Variants in CDK12 observed in about 807,000 individuals in gnomAD.
The protein encoded by CDK12 is cyclin dependent kinase 12.
CDK12 carries 17 observed loss-of-function variants against 133.8 expected under a neutral mutation model. The observed-to-expected ratio is 0.13, with a 90% CI of 0.09 to 0.19. CDK12 has a LOEUF of 0.19. Ranked by LOEUF, CDK12 falls within the 10% of genes least tolerant of loss-of-function variation. CDK12 has a pLI of 1.00. For synonymous variants in CDK12, 694 were observed against 683.6 expected (o/e 1.02, Z -0.24); for missense variants, 1,508 against 1,818.7 (o/e 0.83, Z 3.11).
Position 39,489,307 on chromosome 17 carries a change from C to T in CDK12, c.1932-1250C>T, listed in dbSNP as rs146333054. Among the ~76,000 whole-genome samples the T allele has an allele frequency of 6.2e-3, 938 of 151,670 alleles. 11 individuals are homozygous for T. Among genetic ancestry groups the T allele is most frequent in the African/African-American group, 0.022 (911 of 41,360 alleles). On this transcript the variant is annotated intron_variant, in intron 2 of 13. Coordinates refer to ENST00000447079, the MANE Select transcript of CDK12 (RefSeq NM_016507.4). ...CTGGTCTCGAACTCCTGAGTTCAGG[C>T]AGTCTGCCCACCTTGGCCTCCCAAA...
rs972931803 is a variant in CDK12, at chr17:39,531,953, C to G, written c.*637C>G. The G allele has an allele frequency of 4.3e-6, 1 of 233,820 alleles. No individual in the cohort carries two copies. Among genetic ancestry groups the G allele is most frequent in the Non-Finnish European group, 8.5e-6 (1 of 118,064 alleles). The allele number at this position is 233,820 out of a possible 1,614,324, so 14.5% of individuals were successfully genotyped here. On this transcript the variant is annotated 3_prime_UTR_variant, in exon 14 of 14. Transcript: ENST00000447079. ...ACATACTTTTTTTCCAAATAAATTA[C>G]TCATCCTTAAAGTTTACTCCACTTT...
Position 39,526,274 on chromosome 17 carries a change from G to A in CDK12, c.3718G>A (p.Gly1240Arg), listed in dbSNP as rs1320192114. 1.2e-6 allele frequency: 2 copies of A among 1,604,020 alleles called. No individual in the cohort carries two copies. The highest frequency in any genetic ancestry group is 2.2e-5 in the South Asian group (2 of 89,566). The change falls in exon 13 of 14, where the codon GGG (glycine) becomes AGG (arginine). Residue 1240 changes from glycine to arginine, a missense_variant. By Grantham distance (125) the Gly-to-Arg change is moderately radical (BLOSUM62 -2). This residue lies in a region of CDK12 where 399 missense variants were observed against 469.6 expected (regional missense o/e 0.85). Coordinates refer to ENST00000447079, the MANE Select transcript of CDK12 (RefSeq NM_016507.4). Reference protein sequence around the residue: ...NNSDKNSGPQGPRRTPTMPQE... With the variant: ...NNSDKNSGPQRPRRTPTMPQE... The stretch of plus-strand genomic sequence containing the variant: ...CAGTGACAAGAACAGTGGGCCACAG[G>A]GGCCCCGAAGAACTCCCACAATGCC...
At position 39,490,612 on chromosome 17, in the gene CDK12, C is replaced by T. The variant is rs749022057; in HGVS notation, c.1987C>T (p.Arg663Cys). 1.2e-5 allele frequency: 19 copies of T among 1,613,316 alleles called. No individual in the cohort carries two copies. The highest frequency in any genetic ancestry group is 2.2e-5 in the East Asian group (1 of 44,884). The change falls in exon 3 of 14, where the codon CGT becomes TGT. Residue 663 changes from arginine (R) to cysteine (C), a missense_variant. Arg to Cys is a radical substitution (Grantham distance 180). Around this residue, in one of 9 missense-constraint regions of CDK12, gnomAD observed 347 missense variants for 330.8 expected, o/e 1.05. Coordinates refer to ENST00000447079, the MANE Select transcript of CDK12 (RefSeq NM_016507.4). The stretch of plus-strand genomic sequence containing the variant: ...GAAGAAAGAGAAGGAACAGAGGACA[C>T]GTCACTTACTCACAGACCTTCCTCT... Reference protein sequence around the residue: ...PVKKEKEQRTRHLLTDLPLPP... With the variant: ...PVKKEKEQRTCHLLTDLPLPP...
chr17:39,464,759 G>A (rs903671259), intron 1 of CDK12, among the ~76,000 whole-genome samples: 5 of 149,384 alleles, frequency 3.3e-5, no homozygotes, highest in Admixed American at 6.9e-5. Context: ...ATCCAGGCTG[G>A]GCAACATAGT....
chr17:39,519,102 C>CTA (rs2053999904), intron 10 of CDK12, among the ~76,000 whole-genome samples: 1 of 151,690 alleles, frequency 6.6e-6, no homozygotes, highest in Non-Finnish European at 1.5e-5. Context: ...GGGGTTTCAC[C>CTA]ATGTTAGCCA....
intron 9 of CDK12, 53 bp downstream of exon 9, chr17:39,515,861 C>A: frequency 8.7e-7 from 1 of 1,154,214 alleles, no homozygotes; most frequent in South Asian, 1.4e-5. Flanking sequence ...TATTCTCATC[C>A]TCCAGTTTCT....
chr17:39,481,851 G>C (rs1315231134), intron 2 of CDK12, among the ~76,000 whole-genome samples: 5 of 151,662 alleles, frequency 3.3e-5, no homozygotes, highest in Non-Finnish European at 7.4e-5. Flanking sequence ...CTCCCAAGTA[G>C]CTGGGATTAC....
rs939069891 is a variant in CDK12 at position 39,476,725 on chromosome 17, T to A, written c.1931+4962T>A. Among the ~76,000 whole-genome samples the A allele has an allele frequency of 4.6e-5, 5 of 107,824 alleles. 1 individual carries two copies. Among genetic ancestry groups the A allele is most frequent in the East Asian group, 5.1e-4 (2 of 3,890 alleles). The allele number at this position is 107,824 out of a possible 152,430, so 70.7% of individuals were successfully genotyped here. ...ACCATGCCTGCCTTTTTTTTTTTTT[T>A]TTTTTTTTTTTTTTTGAGACAGAGT... is the stretch of plus-strand genomic sequence containing the variant. On this transcript the variant is annotated intron_variant, in intron 2 of 13. Transcript: ENST00000447079.
At chr17:39,557,225 G>A (rs1191898449) in intron 3 of CDK12, among the ~76,000 whole-genome samples, 1 of 152,174 alleles carries the variant, frequency 6.6e-6, no homozygotes, top group Non-Finnish European at 1.5e-5. Flanking sequence ...CATGAAGCCG[G>A]CCGCTGAGTC....
In CDK12 at chr17:39,488,286, A is replaced by G. The variant is rs148477829; in HGVS notation, c.1932-2271A>G. On this transcript the variant is annotated intron_variant, in intron 2 of 13. Transcript: ENST00000447079. ...TTTTCTGATCTATTCCTGGAAACCT[A>G]TCTTTCTACAAAACCCCACTGACTA... 1.6e-3 allele frequency among the ~76,000 whole-genome samples: 244 copies of G among 152,076 alleles called. 1 individual carries two copies. The highest frequency in any genetic ancestry group is 5.3e-3 in the African/African-American group (218 of 41,508).
At chr17:39,509,870 A>C in intron 7 of CDK12, 109 bp downstream of exon 7, 8 of 786,044 alleles carry the variant, frequency 1.0e-5, no homozygotes, top group Middle Eastern at 2.7e-4. Flanking sequence ...GCTTGATCTC[A>C]GCTCGCTGCA....
At chr17:39,547,245 C>T (rs1333989983), upstream of CDK12, among the ~76,000 whole-genome samples, 2 of 149,496 alleles carry the variant, frequency 1.3e-5, no homozygotes, top group African/African-American at 4.9e-5. Flanking sequence ...AAGCTATACT[C>T]CTGCCTCAGC....
At chr17:39,546,563 G>A (rs1204894494), upstream of CDK12, 1 of 152,148 alleles carries the variant, frequency 6.6e-6, no homozygotes, top group African/African-American at 2.4e-5. Context: ...GTCAAGATAG[G>A]GCAGTTCTGT....
At chr17:39,565,215 G>A (rs996578467), downstream of CDK12, among the ~76,000 whole-genome samples, 5 of 152,256 alleles carry the variant, frequency 3.3e-5, no homozygotes, top group South Asian at 2.1e-4. Context: ...CTGGGTTCAC[G>A]CCATTCTCCT....
At chr17:39,495,382 G>GTGTT (rs1567729997) in intron 5 of CDK12, among the ~76,000 whole-genome samples, 2 of 24,462 alleles carry the variant, frequency 8.2e-5, no homozygotes, top group Admixed American at 5.8e-4. Context: ...CTGGCCTCAT[G>GTGTT]TGTTTTTTTT....
chr17:39,554,893 CAAAAA>C (rs11367982), intron 2 of CDK12, among the ~76,000 whole-genome samples: 2 of 87,338 alleles, frequency 2.3e-5, no homozygotes, highest in Non-Finnish European at 2.3e-5. Flanking sequence ...GACTCCGTCT[CAAAAA>C]AAAAAAAAAA....
upstream of CDK12, among the ~76,000 whole-genome samples, chr17:39,543,159 T>G (rs2055510903): frequency 6.6e-6 from 1 of 152,220 alleles, no homozygotes; most frequent in Non-Finnish European, 1.5e-5. Context: ...AAAAGAGGTA[T>G]GCTCTGAGAT....
At chr17:39,557,762 A>G (rs1351591786) in intron 3 of CDK12, among the ~76,000 whole-genome samples, 5 of 152,114 alleles carry the variant, frequency 3.3e-5, no homozygotes, top group African/African-American at 1.2e-4. Flanking sequence ...CAGTTTCCAT[A>G]CAGTGCACTG....
At chr17:39,539,350 G>A, downstream of CDK12, among the ~76,000 whole-genome samples, 1 of 152,180 alleles carries the variant, frequency 6.6e-6, no homozygotes, top group Non-Finnish European at 1.5e-5. Flanking sequence ...AATTCCTTTG[G>A]TGACTGTACT....
Sources: gnomAD v4.1 joint callset for allele counts (sites outside exome capture counted in the v4.1 genomes callset) on GRCh38, gnomAD v4.1.1 for gene constraint, gnomAD v4.1.1 regional missense constraint, MANE v1.5 for transcripts, NCBI Gene and HGNC (gene_info 2026-07-23, HGNC 2026-07-21) for gene names.